The following PTPRO variants were observed in gnomAD, a reference collection of about 807,000 sequenced individuals.
The protein encoded by PTPRO is protein tyrosine phosphatase receptor type O.
PTPRO carries 62 observed loss-of-function variants against 145.2 expected under a neutral mutation model. That is an observed-to-expected ratio of 0.43 (90% CI 0.35 to 0.53). The LOEUF (loss-of-function observed/expected upper bound fraction) is 0.53, where lower values mean the gene tolerates loss of function less well. PTPRO is among the 20% of genes least tolerant of loss of function. The probability of loss-of-function intolerance (pLI) is 0.01; values close to 1 mark genes in which losing one functional copy is unlikely to be tolerated. For synonymous variants in PTPRO, 565 were observed against 514.7 expected, an observed-to-expected ratio of 1.10 and a Z score of -1.32; for missense variants, 1,345 against 1,482.7, an observed-to-expected ratio of 0.91 and a Z score of 1.53.
intron 1 of PTPRO, among the ~76,000 whole-genome samples, chr12:15,434,334 T>TG (rs1940536295): frequency 6.6e-6 from 1 of 152,222 alleles, no homozygotes; most frequent in Non-Finnish European, 1.5e-5. Context: ...AACACTTTGG[T>TG]TTTCATACAC....
intron 1 of PTPRO, among the ~76,000 whole-genome samples, chr12:15,329,937 G>A (rs2136198279): frequency 6.6e-6 from 1 of 152,316 alleles, no homozygotes; most frequent in East Asian, 1.9e-4. Flanking sequence ...AGAGAAAACT[G>A]CACGAGCAAA....
chr12:15,439,608 G>A (rs977923072), intron 1 of PTPRO: 2 of 294,340 alleles, frequency 6.8e-6, no homozygotes, highest in African/African-American at 4.5e-5. Context: ...CTTTCGTGGA[G>A]GTTTTGGCAG....
chr12:15,562,217 A>G (rs950699414), intron 17 of PTPRO, among the ~76,000 whole-genome samples: 2 of 152,098 alleles, frequency 1.3e-5, no homozygotes, highest in African/African-American at 2.4e-5. Flanking sequence ...AGTGAAATTC[A>G]TGCTCCCCGC....
At chr12:15,333,353 T>G (rs985675660) in intron 1 of PTPRO, among the ~76,000 whole-genome samples, 1 of 152,258 alleles carries the variant, frequency 6.6e-6, no homozygotes, top group Non-Finnish European at 1.5e-5. Flanking sequence ...GCATATTTTA[T>G]GATAACTTAG....
chr12:15,342,851 T>C (rs1296260749), intron 1 of PTPRO, among the ~76,000 whole-genome samples: 1 of 152,162 alleles, frequency 6.6e-6, no homozygotes, highest in African/African-American at 2.4e-5. Flanking sequence ...CCATTGCAGT[T>C]TGTCAGCTGT....
chr12:15,427,036 C>G (rs891755670), intron 1 of PTPRO, among the ~76,000 whole-genome samples: 1 of 152,002 alleles, frequency 6.6e-6, no homozygotes, highest in Non-Finnish European at 1.5e-5. Context: ...AAAACTGGTT[C>G]TTAAAACCAT....
rs537953357 is a variant in PTPRO, at chr12:15,324,132, T to C, written c.75+1331T>C. Among the ~76,000 whole-genome samples the C allele has an allele frequency of 3.3e-5, 5 of 152,324 alleles. No individual in the cohort carries two copies. The South Asian group carries it at 1.0e-3, about 32-fold the overall frequency. ...ACACATCATAAATGCATTAGACTTA[T>C]TAGGTTGTCTATTAGTCGTTTTCTA... On this transcript the variant is annotated intron_variant, in intron 1 of 26. Transcript: ENST00000281171.
chr12:15,332,573 T>C (rs926675919), intron 1 of PTPRO, among the ~76,000 whole-genome samples: 5 of 152,228 alleles, frequency 3.3e-5, no homozygotes, highest in Non-Finnish European at 5.9e-5. Flanking sequence ...TCTTAATATA[T>C]AGCTTAACAG....
chr12:15,338,052 A>G (rs1866826881), intron 1 of PTPRO, among the ~76,000 whole-genome samples: 1 of 152,234 alleles, frequency 6.6e-6, no homozygotes, highest in Non-Finnish European at 1.5e-5. Flanking sequence ...AAATGAGCAC[A>G]TATGTAACTG....
chr12:15,595,081 G>T, intron 26 of PTPRO, 24 bp downstream of exon 26: 1 of 1,474,962 alleles, frequency 6.8e-7, no homozygotes, highest in South Asian at 1.1e-5. Context: ...AGCTCTCCAC[G>T]AGTGCTCAGT....
intron 1 of PTPRO, among the ~76,000 whole-genome samples, chr12:15,478,215 C>G (rs1419911120): frequency 2.6e-5 from 4 of 152,186 alleles, no homozygotes; most frequent in African/African-American, 9.7e-5. Context: ...GCTAGAATGT[C>G]TGTGATCACC....
intron 1 of PTPRO, among the ~76,000 whole-genome samples, chr12:15,358,286 T>A (rs1938062338): frequency 6.8e-6 from 1 of 147,544 alleles, no homozygotes; most frequent in Admixed American, 6.7e-5. Flanking sequence ...TAATGCTAAA[T>A]GACGAGTTAA....
chr12:15,338,340 C>A (rs529651271), intron 1 of PTPRO, among the ~76,000 whole-genome samples: 2 of 152,156 alleles, frequency 1.3e-5, no homozygotes, highest in Non-Finnish European at 2.9e-5. Context: ...TAGATATAGT[C>A]TTTGTCCTAC....
intron 9 of PTPRO, among the ~76,000 whole-genome samples, chr12:15,519,956 C>G (rs1226929585): frequency 6.6e-6 from 1 of 152,110 alleles, no homozygotes; most frequent in African/African-American, 2.4e-5. Context: ...CAAAATCAAA[C>G]AAATATTGGA....
intron 1 of PTPRO, among the ~76,000 whole-genome samples, chr12:15,462,575 G>A (rs1006281975): frequency 1.1e-4 from 16 of 152,128 alleles, no homozygotes; most frequent in African/African-American, 2.4e-4. Flanking sequence ...CCAGTGTTCC[G>A]TGCTCACAAT....
intron 1 of PTPRO, among the ~76,000 whole-genome samples, chr12:15,436,404 T>C (rs1270278101): frequency 6.6e-6 from 1 of 152,166 alleles, no homozygotes; most frequent in African/African-American, 2.4e-5. Flanking sequence ...ACAAACATAA[T>C]ATAGTCTGCC....
intron 1 of PTPRO, among the ~76,000 whole-genome samples, chr12:15,400,208 C>T (rs1258134415): frequency 1.3e-5 from 2 of 151,796 alleles, no homozygotes; most frequent in Non-Finnish European, 2.9e-5. Context: ...CATGGCTATT[C>T]TTGAACTCCT....
intron 2 of PTPRO, among the ~76,000 whole-genome samples, chr12:15,488,833 T>C (rs532758129): frequency 6.6e-6 from 1 of 152,324 alleles, no homozygotes; most frequent in African/African-American, 2.4e-5. Flanking sequence ...ATTTAATTGA[T>C]TGAGAACCTT....
chr12:15,407,303 T>G (rs557130718), intron 1 of PTPRO, among the ~76,000 whole-genome samples: 2 of 152,214 alleles, frequency 1.3e-5, no homozygotes, highest in Non-Finnish European at 2.9e-5. Context: ...ATTCAGTTTA[T>G]CTGAAGGCTC....
Sources: allele counts gnomAD v4.1 joint callset (sites outside exome capture counted in the v4.1 genomes callset), GRCh38; gene constraint gnomAD v4.1.1; transcripts MANE v1.5; gene names NCBI Gene and HGNC (gene_info 2026-07-23, HGNC 2026-07-21).